CRIM1: variants seen among roughly 807,000 people sequenced by gnomAD.
CRIM1 encodes the protein cysteine rich transmembrane BMP regulator 1.
CRIM1 carries 32 observed loss-of-function variants against 116.4 expected under a neutral mutation model. The ratio of observed to expected loss-of-function variants is 0.27; its 90% CI spans 0.21 to 0.37. The LOEUF (loss-of-function observed/expected upper bound fraction) is 0.37, where lower values mean the gene tolerates loss of function less well. Ranked by LOEUF, CRIM1 falls within the 10% of genes least tolerant of loss-of-function variation. CRIM1 has a pLI of 1.00. For missense variants in CRIM1, 1,331 were observed against 1,354.8 expected (o/e 0.98, Z 0.28); for synonymous variants, 590 against 509.2 (o/e 1.16, Z -2.13).
At chr2:36,456,824 C>A (rs1386702578) in intron 4 of CRIM1, among the ~76,000 whole-genome samples, 1 of 151,872 alleles carries the variant, frequency 6.6e-6, no homozygotes, top group Non-Finnish European at 1.5e-5. Flanking sequence ...TCAAAACTAA[C>A]CCTGATTTTT....
intron 1 of CRIM1, among the ~76,000 whole-genome samples, chr2:36,390,855 G>T (rs906948971): frequency 6.6e-6 from 1 of 151,850 alleles, no homozygotes; most frequent in African/African-American, 2.4e-5. Context: ...TGTCGCCCAG[G>T]CTCAAGTGCA....
chr2:36,537,996 T>A (rs1194967220), intron 14 of CRIM1, among the ~76,000 whole-genome samples: 3 of 152,210 alleles, frequency 2.0e-5, no homozygotes, highest in Non-Finnish European at 2.9e-5. Context: ...CATTCTTTTT[T>A]TACTTCATCA....
rs370524700 is a variant in CRIM1 at position 36,547,206 on chromosome 2, G to T, written c.2934+35G>T. 6 of 1,541,946 alleles carry T rather than the reference G, an allele frequency of 3.9e-6. No homozygotes were observed. In the Admixed American group the frequency reaches 9.0e-5, roughly 23 times the overall value. On this transcript the variant is annotated intron_variant, in intron 16 of 16. Coordinates refer to ENST00000280527, the MANE Select transcript of CRIM1 (RefSeq NM_016441.3). ...TGCAAAAGTTAGTCTCTTGAATGAT[G>T]AATCTAGGAAAACTTACACTCATAT... is the stretch of plus-strand genomic sequence containing the variant.
At position 36,492,472 on chromosome 2, in the gene CRIM1, A is replaced by AT. The variant is rs554887272; in HGVS notation, c.1373-6735dup. Reference sequence around the variant, plus strand: ...AGATTAGGGAATTTTTGTATCTTCAATTTTTTTTTTTTCTTATTGTCTGCT... The same window carrying AT: ...AGATTAGGGAATTTTTGTATCTTCAATTTTTTTTTTTTTCTTATTGTCTGCT... On this transcript the variant is annotated intron_variant, in intron 7 of 16. Transcript: ENST00000280527. Among the ~76,000 whole-genome samples, 1,099 of 147,572 alleles carry AT rather than the reference A, an allele frequency of 7.4e-3. 13 individuals are homozygous for AT. Among genetic ancestry groups the AT allele is most frequent in the African/African-American group, 0.023 (927 of 40,598 alleles).
At chr2:36,383,897 A>G (rs1670973929) in intron 1 of CRIM1, among the ~76,000 whole-genome samples, 1 of 152,190 alleles carries the variant, frequency 6.6e-6, no homozygotes, top group African/African-American at 2.4e-5. Flanking sequence ...GATTGAGTAA[A>G]TATTTATGGA....
At chr2:36,391,133 T>TA (rs1156514785) in intron 1 of CRIM1, among the ~76,000 whole-genome samples, 39 of 133,298 alleles carry the variant, frequency 2.9e-4, no homozygotes, top group Non-Finnish European at 5.3e-4. Context: ...TTTTTTTTTT[T>TA]TTTTTTTTTT....
At chr2:36,412,463 G>C (rs992639342) in intron 2 of CRIM1, among the ~76,000 whole-genome samples, 3 of 152,036 alleles carry the variant, frequency 2.0e-5, no homozygotes, top group African/African-American at 7.2e-5. Flanking sequence ...GTATTTTACT[G>C]CTCTCTTTAT....
intron 2 of CRIM1, among the ~76,000 whole-genome samples, chr2:36,418,180 C>G (rs1005581878): frequency 6.6e-6 from 1 of 152,154 alleles, no homozygotes; most frequent in African/African-American, 2.4e-5. Flanking sequence ...AGAAATGTAG[C>G]ATGTTTATAA....
At position 36,539,890 on chromosome 2, in the gene CRIM1, GAA is replaced by G. The variant is rs142411478; in HGVS notation, c.2623+2346_2623+2347del. ...AAACTGAAAGTAGATCTACAAATTT[GAA>G]AGTTTAGCCATAGGTGGTTTCTAGT... On this transcript the variant is annotated intron_variant, in intron 14 of 16. Coordinates refer to ENST00000280527, the MANE Select transcript of CRIM1 (RefSeq NM_016441.3). 2.3e-3 allele frequency among the ~76,000 whole-genome samples: 349 copies of G among 152,252 alleles called. 5 individuals are homozygous for G. Among genetic ancestry groups the G allele is most frequent in the African/African-American group, 8.3e-3 (343 of 41,544 alleles).
chr2:36,496,235 A>T (rs537409921), intron 7 of CRIM1, among the ~76,000 whole-genome samples: 3 of 152,346 alleles, frequency 2.0e-5, no homozygotes, highest in Admixed American at 2.0e-4. Context: ...CAAGTGTTAA[A>T]ATGTCTTCTT....
intron 15 of CRIM1, 88 bp from the exon 16 acceptor site, chr2:36,546,896 G>GTTGCTGATCTCTAT (rs1667383056): frequency 2.8e-6 from 2 of 715,412 alleles, no homozygotes; most frequent in Non-Finnish European, 4.6e-6. Flanking sequence ...ATAAAACCAA[G>GTTGCTGATCTCTAT]TTGCTGATCT....
At chr2:36,467,041 C>T (rs1349748532) in intron 5 of CRIM1, among the ~76,000 whole-genome samples, 1 of 152,172 alleles carries the variant, frequency 6.6e-6, no homozygotes, top group East Asian at 1.9e-4. Context: ...ACCTTAGCAA[C>T]CTTGGGATCA....
chr2:36,356,414 A>G lies in CRIM1; in HGVS notation c.122A>G (p.Asp41Gly). 1 of 1,609,938 alleles carries G rather than the reference A, an allele frequency of 6.2e-7. No individual in the cohort carries two copies. The highest frequency in any genetic ancestry group is 8.5e-7 in the Non-Finnish European group (1 of 1,179,330). Residue 41 changes from aspartate to glycine, a missense_variant, in exon 1 of 17, where the codon GAC (aspartate) becomes GGC (glycine). This residue lies in a region of CRIM1 where 690 missense variants were observed against 676.0 expected (regional missense o/e 1.02). Coordinates refer to ENST00000280527, the MANE Select transcript of CRIM1 (RefSeq NM_016441.3). This position sits in a 1 kb window ranked among gnomAD's most constrained non-coding sequence, Gnocchi z 4.3. ...GTRALVCLPC[D>G]ESKCEEPRNC... is the part of the protein sequence containing the mutation. ...CGGGCGCTGGTCTGCCTGCCCTGTG[A>G]CGAGTCCAAGTGCGAGGAGCCCAGG...
rs1669392905 is a variant in CRIM1, at chr2:36,363,620, A to AT, written c.331+7001dup. 3.5e-5 allele frequency among the ~76,000 whole-genome samples: 5 copies of AT among 143,586 alleles called. No individual in the cohort carries two copies. The Admixed American group carries it at 3.7e-4, about 11-fold the overall frequency. 94.2% of individuals were successfully genotyped at this position (143,586 alleles called of 152,430 possible). A position where few individuals can be genotyped will look rare whatever the true frequency, so the allele number is the denominator to read the frequency against. ...TGAGTAATGTTTTAGGTCTGATATT[A>AT]TTTTGCATTGATTTGTAGGAATTAT... is the stretch of plus-strand genomic sequence containing the variant. On this transcript the variant is annotated intron_variant, in intron 1 of 16. Coordinates refer to ENST00000280527, the MANE Select transcript of CRIM1 (RefSeq NM_016441.3).
chr2:36,480,234 A>G (rs1323952585), intron 7 of CRIM1, among the ~76,000 whole-genome samples: 2 of 152,168 alleles, frequency 1.3e-5, no homozygotes, highest in Non-Finnish European at 2.9e-5. Flanking sequence ...TGCATTTGCT[A>G]TCTCTCTTCT....
At chr2:36,548,172 C>A (rs2270333) in intron 16 of CRIM1, among the ~76,000 whole-genome samples, 44 of 151,930 alleles carry the variant, frequency 2.9e-4, no homozygotes, top group African/African-American at 9.9e-4. Flanking sequence ...AGAAGTCATC[C>A]CTTTGTTTTT....
At chr2:36,453,093 C>T (rs559009711) in intron 4 of CRIM1, among the ~76,000 whole-genome samples, 10 of 152,294 alleles carry the variant, frequency 6.6e-5, no homozygotes, top group East Asian at 3.9e-4. Flanking sequence ...ACCCAAATCA[C>T]GGAATATATT....
chr2:36,449,639 A>G (rs537578866), intron 4 of CRIM1, among the ~76,000 whole-genome samples: 12 of 152,276 alleles, frequency 7.9e-5, no homozygotes, highest in Non-Finnish European at 1.5e-4. Context: ...TGATTGTCTC[A>G]AAAGTAACTT....
Position 36,363,873 on chromosome 2 carries a change from C to T in CRIM1, c.331+7250C>T, listed in dbSNP as rs987858936. ...CCATGGGGGCTATGGTTCCAACCTG[C>T]TGCTGCAGTTGGTATAAACTAGGCA... On this transcript the variant is annotated intron_variant, in intron 1 of 16. Transcript: ENST00000280527. 9.2e-5 allele frequency among the ~76,000 whole-genome samples: 14 copies of T among 152,308 alleles called. No individual in the cohort carries two copies. The East Asian group carries it at 2.5e-3, about 27-fold the overall frequency.
Sources: gnomAD v4.1 joint callset for allele counts (sites outside exome capture counted in the v4.1 genomes callset) on GRCh38, gnomAD v4.1.1 for gene constraint, gnomAD v4.1.1 regional missense constraint, Gnocchi (gnomAD v3.1) non-coding constraint, MANE v1.5 for transcripts, NCBI Gene and HGNC (gene_info 2026-07-23, HGNC 2026-07-21) for gene names.